LRIG1: variants seen among roughly 807,000 people sequenced by gnomAD.
LRIG1 encodes leucine rich repeats and immunoglobulin like domains 1.
A neutral mutation model predicts 99.2 loss-of-function variants in LRIG1; 48 were observed. The ratio of observed to expected loss-of-function variants is 0.48; its 90% confidence interval spans 0.38 to 0.62. LRIG1 has a LOEUF of 0.62. Among genes scored for constraint, LRIG1 ranks in the 20% least tolerant of loss-of-function variants. The pLI is 0.00. For synonymous variants in LRIG1, 772 were observed against 596.1 expected (o/e 1.29, Z -4.30); for missense variants, 1,646 against 1,434.4 (o/e 1.15, Z -2.38).
At chr3:66,429,932 C>T (rs1431205506) in intron 3 of LRIG1, among the ~76,000 whole-genome samples, 1 of 150,618 alleles carries the variant, frequency 6.6e-6, no homozygotes, top group African/African-American at 2.5e-5. Flanking sequence ...ACAAAACCTC[C>T]TAAAGTATTA....
At chr3:66,385,313 C>T (rs1701318738) in intron 13 of LRIG1, among the ~76,000 whole-genome samples, 1 of 152,202 alleles carries the variant, frequency 6.6e-6, no homozygotes. Context: ...CCTCTGACTC[C>T]AATGCTGTGC....
chr3:66,471,810 T>C (rs1232708485), intron 1 of LRIG1, among the ~76,000 whole-genome samples: 1 of 152,202 alleles, frequency 6.6e-6, no homozygotes, highest in Non-Finnish European at 1.5e-5. Flanking sequence ...AATCCCAGGT[T>C]CACCAAGTGC....
intron 12 of LRIG1, among the ~76,000 whole-genome samples, chr3:66,389,288 A>G (rs918364099): frequency 1.3e-5 from 2 of 152,208 alleles, no homozygotes; most frequent in Non-Finnish European, 2.9e-5. Context: ...TTTCAATAAA[A>G]AAACTAGTCA....
chr3:66,409,270 T>C lies in LRIG1; in HGVS notation c.935+859A>G, dbSNP rs558289055. 2.0e-5 allele frequency among the ~76,000 whole-genome samples: 3 copies of C among 152,172 alleles called. No homozygotes were observed. The South Asian group carries it at 6.2e-4, about 32-fold the overall frequency. ...ACACAGTAGACTAAACTGGAGCATA[T>C]CAAATGGAAAGAACAGTGAAAACAC... On this transcript the variant is annotated intron_variant, in intron 7 of 18. Transcript: ENST00000273261.
chr3:66,489,898 G>T (rs1458345929), intron 1 of LRIG1, among the ~76,000 whole-genome samples: 2 of 151,936 alleles, frequency 1.3e-5, no homozygotes, highest in Non-Finnish European at 2.9e-5. Flanking sequence ...ATGCCTCTTT[G>T]GGCAAGCACC....
intron 1 of LRIG1, among the ~76,000 whole-genome samples, chr3:66,466,993 T>C (rs1017239059): frequency 6.6e-6 from 1 of 152,320 alleles, no homozygotes; most frequent in Non-Finnish European, 1.5e-5. Flanking sequence ...TCTGAACAAC[T>C]GAGCCCAGCA....
intron 2 of LRIG1, among the ~76,000 whole-genome samples, chr3:66,461,429 A>T (rs1700351849): frequency 6.6e-6 from 1 of 152,256 alleles, no homozygotes. Context: ...TGGGTAGGTA[A>T]TATATGAAAT....
Position 66,399,031 on chromosome 3 carries a change from C to T in LRIG1, c.1171G>A (p.Gly391Arg), listed in dbSNP as rs750030832. 7 of 1,613,848 alleles carry T rather than the reference C, an allele frequency of 4.3e-6. No individual in the cohort carries two copies. Among genetic ancestry groups the T allele is most frequent in the Non-Finnish European group, 5.1e-6 (6 of 1,179,900 alleles). ...LDSLSKLTLFGNKIKSVAKRA... is the reference protein window; with the variant it reads ...LDSLSKLTLFRNKIKSVAKRA... Reference sequence around the variant, plus strand: ...TTAGCCACAGACTTGATCTTGTTTCCAAACAGAGTCCTGTAGTTTCCAAAC... The same window carrying T: ...TTAGCCACAGACTTGATCTTGTTTCTAAACAGAGTCCTGTAGTTTCCAAAC... The change falls in exon 10 of 19, where the codon GGA becomes AGA. Residue 391 changes from glycine to arginine, a missense_variant. By Grantham distance (125) the Gly-to-Arg change is moderately radical. Coordinates refer to ENST00000273261, the MANE Select transcript of LRIG1 (RefSeq NM_015541.3).
At chr3:66,489,464 G>C (rs1403029936) in intron 1 of LRIG1, among the ~76,000 whole-genome samples, 2 of 152,150 alleles carry the variant, frequency 1.3e-5, no homozygotes, top group Non-Finnish European at 2.9e-5. Flanking sequence ...CACGGCTATA[G>C]TGAGCCATGA....
intron 2 of LRIG1, among the ~76,000 whole-genome samples, chr3:66,461,927 CTT>C (rs1700363279): frequency 6.6e-6 from 1 of 152,148 alleles, no homozygotes; most frequent in Non-Finnish European, 1.5e-5. Context: ...TATAACTTCA[CTT>C]CCTGGGAAAT....
intron 3 of LRIG1, among the ~76,000 whole-genome samples, chr3:66,429,979 C>T (rs544572186): frequency 2.0e-5 from 3 of 152,246 alleles, no homozygotes; most frequent in African/African-American, 2.4e-5. Context: ...GAATATAAAC[C>T]GCACACCGGC....
Position 66,386,050 on chromosome 3 carries a change from G to T in LRIG1, c.1720C>A (p.Arg574Ser), listed in dbSNP as rs147372871. The T allele has an allele frequency of 6.2e-7, 1 of 1,614,174 alleles. No individual in the cohort carries two copies. The highest frequency in any genetic ancestry group is 8.5e-7 in the Non-Finnish European group (1 of 1,180,028). ...LRQVTFGHEG[R>S]YQCVITNHFG... The stretch of plus-strand genomic sequence containing the variant: ...TGGTTGGTGATGACACATTGGTAGC[G>T]GCCCTCGTGCCCGAAAGTGACCTGA... Residue 574 changes from arginine (R) to serine (S), a missense_variant, in exon 13 of 19, where the codon CGC becomes AGC. Transcript: ENST00000273261.
At chr3:66,392,594 G>A (rs907649330) in intron 12 of LRIG1, among the ~76,000 whole-genome samples, 17 of 145,428 alleles carry the variant, frequency 1.2e-4, no homozygotes, top group African/African-American at 3.8e-4. Context: ...AACACCTGAC[G>A]TTTTTAGAGG....
rs1182493230 is a variant in LRIG1 at position 66,379,328 on chromosome 3, C to G, written c.*935G>C. On this transcript the variant is annotated 3_prime_UTR_variant, in exon 19 of 19. Transcript: ENST00000273261. ...ATAAGGTAGCCCTGAAAAGTCAGAACTTCCTCCTTTCTGTCCCCCAAGGCC... is the reference window on the plus strand; with the variant it reads ...ATAAGGTAGCCCTGAAAAGTCAGAAGTTCCTCCTTTCTGTCCCCCAAGGCC... 6.6e-6 allele frequency: 1 copy of G among 152,498 alleles called. No homozygotes were observed. Among genetic ancestry groups the G allele is most frequent in the African/African-American group, 2.4e-5 (1 of 41,440 alleles). The allele number at this position is 152,498 out of a possible 1,614,324, so 9.4% of individuals were successfully genotyped here.
chr3:66,488,573 G>A (rs1260752556), intron 1 of LRIG1, among the ~76,000 whole-genome samples: 1 of 152,124 alleles, frequency 6.6e-6, no homozygotes, highest in Non-Finnish European at 1.5e-5. Context: ...GAAGGCAGAG[G>A]TTGCAGTCAG....
chr3:66,411,731 G>A (rs1187844785), intron 6 of LRIG1, among the ~76,000 whole-genome samples: 3 of 152,156 alleles, frequency 2.0e-5, no homozygotes, highest in Non-Finnish European at 1.5e-5. Flanking sequence ...AATTTGCCCA[G>A]ACTGGAAGAA....
In LRIG1 at chr3:66,414,351, C is replaced by T. The variant is rs570528073; in HGVS notation, c.647+569G>A. On this transcript the variant is annotated intron_variant, in intron 5 of 18. Transcript: ENST00000273261. Reference sequence around the variant, plus strand: ...GGCGGAGCTTGCAGTGAGCTGAGATCACACCACTGCACCCCACCTGGGGGA... The same window carrying T: ...GGCGGAGCTTGCAGTGAGCTGAGATTACACCACTGCACCCCACCTGGGGGA... 5.2e-3 allele frequency among the ~76,000 whole-genome samples: 785 copies of T among 151,960 alleles called. 19 individuals carry two copies. Among genetic ancestry groups the T allele is most frequent in the Non-Finnish European group, 1.9e-3 (132 of 67,970 alleles).
intron 1 of LRIG1, among the ~76,000 whole-genome samples, chr3:66,469,644 C>T (rs1183945862): frequency 6.6e-6 from 1 of 152,202 alleles, no homozygotes; most frequent in East Asian, 1.9e-4. Flanking sequence ...TCTTTTCCCT[C>T]TAGCACCCAA....
intron 6 of LRIG1, among the ~76,000 whole-genome samples, chr3:66,411,031 T>A (rs946404536): frequency 3.3e-5 from 5 of 152,196 alleles, no homozygotes; most frequent in Non-Finnish European, 7.3e-5. Flanking sequence ...TCTACTAACA[T>A]GGAGATATCC....
Sources: gnomAD v4.1 joint callset for allele counts (sites outside exome capture counted in the v4.1 genomes callset) on GRCh38, gnomAD v4.1.1 for gene constraint, MANE v1.5 for transcripts, NCBI Gene and HGNC (gene_info 2026-07-23, HGNC 2026-07-21) for gene names.